The following ITPR3 variants were observed in gnomAD, a reference collection of about 807,000 sequenced individuals.
ITPR3 encodes the protein inositol 1,4,5-trisphosphate receptor type 3, also known as inositol 1,4,5-trisphosphate-gated calcium channel ITPR3.
A neutral mutation model predicts 293.2 loss-of-function variants in ITPR3; 173 were observed. The ratio of observed to expected loss-of-function variants is 0.59; its 90% CI spans 0.52 to 0.67. The LOEUF is 0.67. ITPR3 is among the 30% of genes least tolerant of loss of function. The pLI, the probability that ITPR3 is intolerant of heterozygous loss-of-function variation, is 0.00. For synonymous variants in ITPR3, 1,295 were observed against 1,444.4 expected (o/e 0.90, Z 2.35); for missense variants, 2,796 against 3,592.1 (o/e 0.78, Z 5.66).
In ITPR3 at chr6:33,667,007, G is replaced by A. The variant is rs1330521274; in HGVS notation, c.1552-122G>A. 6.0e-6 allele frequency: 7 copies of A among 1,169,582 alleles called. No individual in the cohort carries two copies. The highest frequency in any genetic ancestry group is 1.5e-5 in the South Asian group (1 of 67,898). 72.5% of individuals were successfully genotyped at this position (1,169,582 alleles called of 1,614,324 possible). A position where few individuals can be genotyped will look rare whatever the true frequency, so the allele number is the denominator to read the frequency against. ...TTGTGGTCCAGCTTAGAATCAGCTC[G>A]AAGCTGATGTCCGGGCTGGCTTTAG... On this transcript the variant is annotated intron_variant, in intron 14 of 57. Coordinates refer to ENST00000605930, the MANE Select transcript of ITPR3 (RefSeq NM_002224.4). This position sits in a 1 kb window ranked among gnomAD's most constrained non-coding sequence, Gnocchi z 4.4.
chr6:33,670,200 C>A lies in ITPR3; in HGVS notation c.2190-125C>A. The A allele has an allele frequency of 1.0e-6, 1 of 980,380 alleles. No homozygotes were observed. The highest frequency in any genetic ancestry group is 1.5e-6 in the Non-Finnish European group (1 of 649,402). The allele number at this position is 980,380 out of a possible 1,614,324, so 60.7% of individuals were successfully genotyped here. On this transcript the variant is annotated intron_variant, in intron 18 of 57. Coordinates refer to ENST00000605930, the MANE Select transcript of ITPR3 (RefSeq NM_002224.4). This position sits in a 1 kb window ranked among gnomAD's most constrained non-coding sequence, Gnocchi z 6.7. ...CGTTCACCTTTCTAACTCAGAATTG[C>A]AGCTGGCGCATCTTTAACCTAATCC... is the stretch of plus-strand genomic sequence containing the variant.
rs1763714490 is a variant in ITPR3 at position 33,632,842 on chromosome 6, T to G, written c.90-7642T>G. Among the ~76,000 whole-genome samples, 2 of 152,182 alleles carry G rather than the reference T, an allele frequency of 1.3e-5. No individual in the cohort carries two copies. The highest frequency in any genetic ancestry group is 4.8e-5 in the African/African-American group (2 of 41,440). On this transcript the variant is annotated intron_variant, in intron 1 of 57. Coordinates refer to ENST00000605930, the MANE Select transcript of ITPR3 (RefSeq NM_002224.4). The surrounding 1 kb of genome is among the most constrained non-coding windows in gnomAD (Gnocchi z 4.1). ...ACAGGTGTAGACAGGGCTCCTGTCC[T>G]CGGCACTCAGCGTGGTCGCAGGAGA...
chr6:33,659,172 G>C lies in ITPR3; in HGVS notation c.627+53G>C, dbSNP rs962191209. On this transcript the variant is annotated intron_variant, in intron 6 of 57. Coordinates refer to ENST00000605930, the MANE Select transcript of ITPR3 (RefSeq NM_002224.4). ...GTGCAGGGACGTCCACACACCCCTG[G>C]TGGTGTAGACACCCCGCTCCCTGCC... 93 of 1,515,744 alleles carry C rather than the reference G, an allele frequency of 6.1e-5. No homozygotes were observed. In the African/African-American group the frequency reaches 1.0e-3, roughly 16 times the overall value. The allele number at this position is 1,515,744 out of a possible 1,614,324, so 93.9% of individuals were successfully genotyped here.
In ITPR3 at chr6:33,680,310, C is replaced by T; in HGVS notation, c.4225-19C>T. The T allele has an allele frequency of 6.2e-7, 1 of 1,608,418 alleles. No individual in the cohort carries two copies. The highest frequency in any genetic ancestry group is 8.5e-7 in the Non-Finnish European group (1 of 1,177,490). ...CAGGCGGCCCTGCTTGCGCCCCTGA[C>T]CTCCCGCCCACTGCCCAGGTGAAAA... On this transcript the variant is annotated intron_variant, in intron 31 of 57. Coordinates refer to ENST00000605930, the MANE Select transcript of ITPR3 (RefSeq NM_002224.4).
chr6:33,629,670 G>A (rs1029807584), intron 1 of ITPR3, among the ~76,000 whole-genome samples: 2 of 151,664 alleles, frequency 1.3e-5, no homozygotes, highest in African/African-American at 4.8e-5. Context: ...TAGTAGAGAC[G>A]GGTTTCACCA....
chr6:33,676,135 T>G (rs1263582833), intron 25 of ITPR3, among the ~76,000 whole-genome samples: 1 of 152,266 alleles, frequency 6.6e-6, no homozygotes, highest in Admixed American at 6.5e-5. Context: ...CAACCCTCAC[T>G]GACGTGACTG....
chr6:33,659,271 C>A, intron 6 of ITPR3, 152 bp downstream of exon 6: 1 of 896,646 alleles, frequency 1.1e-6, no homozygotes, highest in Non-Finnish European at 1.7e-6. Flanking sequence ...CATTTCCCAA[C>A]ACTGCCCTCA....
chr6:33,640,684 C>CAG, intron 2 of ITPR3, 130 bp downstream of exon 2: 1 of 700,436 alleles, frequency 1.4e-6, no homozygotes, highest in Middle Eastern at 3.6e-4. Context: ...AGACCTCACT[C>CAG]TGCTGTCGGC....
chr6:33,671,231 A>G lies in ITPR3; in HGVS notation c.2653A>G (p.Thr885Ala), dbSNP rs767262128. 11 of 1,613,460 alleles carry G rather than the reference A, an allele frequency of 6.8e-6. No homozygotes were observed. In the Admixed American group the frequency reaches 1.0e-4, roughly 15 times the overall value. The stretch of plus-strand genomic sequence containing the variant: ...CAGCTTCAGCGAGCTGCTGCGGCTC[A>G]CTCGCACACTGCTGGGCATCATCGA... The part of the protein sequence containing the change: ...FYSFSELLRL[T>A]RTLLGIIDCV... The change falls in exon 21 of 58, where the codon ACT (threonine) becomes GCT (alanine). Residue 885 changes from threonine to alanine, a missense_variant. Thr to Ala is a moderately conservative substitution (Grantham distance 58). Coordinates refer to ENST00000605930, the MANE Select transcript of ITPR3 (RefSeq NM_002224.4).
Position 33,667,417 on chromosome 6 carries a change from C to T in ITPR3, c.1713+127C>T. The T allele has an allele frequency of 8.0e-7, 1 of 1,254,160 alleles. No homozygotes were observed. The highest frequency in any genetic ancestry group is 1.1e-6 in the Non-Finnish European group (1 of 923,696). The allele number at this position is 1,254,160 out of a possible 1,614,324, so 77.7% of individuals were successfully genotyped here. ...TAGGGTCCAGTAGGGCACCAGACAG[C>T]AGGGCCGGGTTCATGGGAATGGGAC... On this transcript the variant is annotated intron_variant, in intron 15 of 57. Coordinates refer to ENST00000605930, the MANE Select transcript of ITPR3 (RefSeq NM_002224.4). The surrounding 1 kb of genome is among the most constrained non-coding windows in gnomAD (Gnocchi z 4.4).
In ITPR3 at chr6:33,646,082, C is replaced by T. The variant is rs1019035581; in HGVS notation, c.160+5528C>T. On this transcript the variant is annotated intron_variant, in intron 2 of 57. Coordinates refer to ENST00000605930, the MANE Select transcript of ITPR3 (RefSeq NM_002224.4). ...CGAACTCCTGACCCCGTGATCCACC[C>T]GCCTCGGTCTCCCAAAGTGTTAGGA... Among the ~76,000 whole-genome samples, 35 of 152,134 alleles carry T rather than the reference C, an allele frequency of 2.3e-4. No individual in the cohort carries two copies. In the South Asian group the frequency reaches 3.5e-3, roughly 15 times the overall value.
chr6:33,625,481 G>A (rs528721726), intron 1 of ITPR3, among the ~76,000 whole-genome samples: 4 of 152,190 alleles, frequency 2.6e-5, no homozygotes, highest in East Asian at 1.9e-4. Flanking sequence ...CGCCTGCCTC[G>A]GCCTCCCAAA....
rs55958712 is a variant in ITPR3 at position 33,661,992 on chromosome 6, G to GAAAAAAAAAAAAAAAA, written c.712-526_712-511dup. 6.8e-4 allele frequency among the ~76,000 whole-genome samples: 32 copies of GAAAAAAAAAAAAAAAA among 47,188 alleles called. 4 individuals are homozygous for GAAAAAAAAAAAAAAAA. The highest frequency in any genetic ancestry group is 7.4e-4 in the Non-Finnish European group (18 of 24,308). The allele number at this position is 47,188 out of a possible 152,430, so 31.0% of individuals were successfully genotyped here. On this transcript the variant is annotated intron_variant, in intron 7 of 57. Transcript: ENST00000605930. Reference sequence around the variant, plus strand: ...CCTGGGCAACAGAGTGACTGTCTCTGAAAAAAAAAAAAAAAAAAAAAAAAA... The same window carrying GAAAAAAAAAAAAAAAA: ...CCTGGGCAACAGAGTGACTGTCTCTGAAAAAAAAAAAAAAAAAAAAAAAAAAAAAAAAAAAAAAAAA...
chr6:33,690,286 T>C, intron 51 of ITPR3, 88 bp downstream of exon 51: 1 of 1,291,514 alleles, frequency 7.7e-7, no homozygotes, highest in Non-Finnish European at 1.1e-6. Context: ...CCGGCACCAG[T>C]CTGTCTGTCC....
Position 33,684,264 on chromosome 6 carries a change from G to C in ITPR3, c.4938-93G>C, listed in dbSNP as rs1765162664. On this transcript the variant is annotated intron_variant, in intron 36 of 57. Coordinates refer to ENST00000605930, the MANE Select transcript of ITPR3 (RefSeq NM_002224.4). The surrounding 1 kb of genome is among the most constrained non-coding windows in gnomAD (Gnocchi z 4.2). The stretch of plus-strand genomic sequence containing the variant: ...ACTAGACAGGCTCACTGGGTCAGAG[G>C]GCCTGGGGGTGTTCCTGCCTGGGAT... 1.3e-6 allele frequency: 2 copies of C among 1,587,098 alleles called. No homozygotes were observed. The highest frequency in any genetic ancestry group is 1.7e-6 in the Non-Finnish European group (2 of 1,158,928).
At chr6:33,660,329 TAAGGA>T (rs1764430655) in intron 7 of ITPR3, among the ~76,000 whole-genome samples, 1 of 151,986 alleles carries the variant, frequency 6.6e-6, no homozygotes, top group South Asian at 2.1e-4. Flanking sequence ...AGCAGCCACC[TAAGGA>T]GTCTTAGGTG....
chr6:33,637,291 C>T (rs1763846306), intron 1 of ITPR3, among the ~76,000 whole-genome samples: 2 of 152,164 alleles, frequency 1.3e-5, no homozygotes, highest in South Asian at 4.1e-4. Flanking sequence ...GTTCCCACAA[C>T]TCCCTCTTTA....
intron 2 of ITPR3, among the ~76,000 whole-genome samples, chr6:33,650,533 G>A (rs1764162446): frequency 1.3e-5 from 2 of 152,230 alleles, no homozygotes; most frequent in African/African-American, 4.8e-5. Flanking sequence ...CCGCTAGTGG[G>A]CTGTGAAGTC....
rs1764371343 is a variant in ITPR3, at chr6:33,658,585, G to A, written c.370-85G>A. 6.7e-7 allele frequency: 1 copy of A among 1,497,034 alleles called. No homozygotes were observed. Among genetic ancestry groups the A allele is most frequent in the Non-Finnish European group, 9.2e-7 (1 of 1,092,238 alleles). The allele number at this position is 1,497,034 out of a possible 1,614,324, so 92.7% of individuals were successfully genotyped here. On this transcript the variant is annotated intron_variant, in intron 4 of 57. Coordinates refer to ENST00000605930, the MANE Select transcript of ITPR3 (RefSeq NM_002224.4). The surrounding 1 kb of genome is among the most constrained non-coding windows in gnomAD (Gnocchi z 6.1). ...TGTGTGCAGCCAGAATGTGACCAAG[G>A]GTCTAGGGGATCCCCCCATATCCCC...
Sources: allele counts gnomAD v4.1 joint callset (sites outside exome capture counted in the v4.1 genomes callset), GRCh38; gene constraint gnomAD v4.1.1; non-coding constraint Gnocchi (gnomAD v3.1); transcripts MANE v1.5; gene names NCBI Gene and HGNC (gene_info 2026-07-23, HGNC 2026-07-21).